The following NRG3 variants were observed in gnomAD, a reference collection of about 807,000 sequenced individuals.
NRG3 encodes the protein neuregulin 3, also known as pro-neuregulin-3, membrane-bound isoform.
A neutral mutation model predicts 66.9 loss-of-function variants in NRG3; 31 were observed. The observed-to-expected ratio is 0.46, with a 90% confidence interval of 0.35 to 0.63. NRG3 has a LOEUF of 0.63. Among genes scored for constraint, NRG3 ranks in the 20% least tolerant of loss-of-function variants. NRG3 has a pLI of 0.00. For synonymous variants in NRG3, 393 were observed against 359.4 expected, an observed-to-expected ratio of 1.09 and a Z score of -1.06; for missense variants, 910 against 878.9, an observed-to-expected ratio of 1.04 and a Z score of -0.45.
chr10:82,984,162 G>A (rs1853206565), intron 8 of NRG3, among the ~76,000 whole-genome samples: 1 of 152,188 alleles, frequency 6.6e-6, no homozygotes, highest in African/African-American at 2.4e-5. Context: ...AAACACTACT[G>A]TTCAAGTTCC....
At chr10:81,907,430 A>T (rs1304720470) in intron 1 of NRG3, among the ~76,000 whole-genome samples, 2 of 152,202 alleles carry the variant, frequency 1.3e-5, no homozygotes, top group South Asian at 4.1e-4. Context: ...GTGGATGATG[A>T]TGATGATGAT....
chr10:82,396,919 C>T (rs182204974), intron 2 of NRG3, among the ~76,000 whole-genome samples: 1 of 152,100 alleles, frequency 6.6e-6, no homozygotes, highest in Non-Finnish European at 1.5e-5. Context: ...TGCTATCAAC[C>T]CCTTAGAATC....
chr10:81,878,014 A>G (rs1354023311), intron 1 of NRG3: 2 of 1,537,770 alleles, frequency 1.3e-6, no homozygotes, highest in South Asian at 1.2e-5. Flanking sequence ...GAGGGGGACT[A>G]CACACGGTAG....
intron 1 of NRG3, among the ~76,000 whole-genome samples, chr10:82,188,391 G>T (rs2073936102): frequency 6.6e-6 from 1 of 152,084 alleles, no homozygotes; most frequent in Non-Finnish European, 1.5e-5. Context: ...CTAGGACATT[G>T]GTCTAGGCAA....
intron 1 of NRG3, among the ~76,000 whole-genome samples, chr10:82,243,141 A>G (rs573788829): frequency 1.3e-5 from 2 of 152,346 alleles, no homozygotes; most frequent in East Asian, 3.9e-4. Flanking sequence ...TACTGCATGT[A>G]AAAGAGACCC....
chr10:81,878,213 A>G (rs975118336), intron 1 of NRG3: 2 of 815,396 alleles, frequency 2.5e-6, no homozygotes, highest in African/African-American at 1.7e-5. Flanking sequence ...GAGGGGAAAA[A>G]TCTGTAAATG....
chr10:82,876,323 A>G (rs1048284641), intron 4 of NRG3, among the ~76,000 whole-genome samples: 1 of 152,206 alleles, frequency 6.6e-6, no homozygotes, highest in East Asian at 1.9e-4. Flanking sequence ...TAATATGGTG[A>G]AACATTAATT....
intron 3 of NRG3, among the ~76,000 whole-genome samples, chr10:82,812,506 C>G (rs2061531469): frequency 6.6e-6 from 1 of 152,098 alleles, no homozygotes; most frequent in African/African-American, 2.4e-5. Context: ...AAAAATAATA[C>G]TGCTTCTATT....
intron 1 of NRG3, among the ~76,000 whole-genome samples, chr10:82,169,309 G>T (rs2072367362): frequency 6.6e-6 from 1 of 151,826 alleles, no homozygotes; most frequent in African/African-American, 2.4e-5. Flanking sequence ...TTCAAGAGTG[G>T]CTATCTTTTA....
At chr10:82,102,035 G>T (rs1316327433) in intron 1 of NRG3, among the ~76,000 whole-genome samples, 1 of 130,502 alleles carries the variant, frequency 7.7e-6, no homozygotes, top group African/African-American at 2.7e-5. Context: ...ACATATATAT[G>T]CACATATAAA....
intron 2 of NRG3, among the ~76,000 whole-genome samples, chr10:82,696,363 T>C (rs1162993517): frequency 6.6e-6 from 1 of 152,122 alleles, no homozygotes; most frequent in Non-Finnish European, 1.5e-5. Context: ...ATATTTAAAA[T>C]GGGCATTCTG....
At chr10:82,290,800 A>G (rs1249502468) in intron 1 of NRG3, among the ~76,000 whole-genome samples, 1 of 141,794 alleles carries the variant, frequency 7.1e-6, no homozygotes, top group Non-Finnish European at 1.5e-5. Context: ...CGCCTGGCTA[A>G]TTTTTTTTTT....
chr10:81,875,252 A>C lies in NRG3; in HGVS notation c.-89A>C, dbSNP rs1841514411. The C allele has an allele frequency of 7.5e-6, 6 of 798,850 alleles. No homozygotes were observed. The highest frequency in any genetic ancestry group is 9.0e-6 in the Non-Finnish European group (6 of 664,998). The allele number at this position is 798,850 out of a possible 1,614,324, so 49.5% of individuals were successfully genotyped here. On this transcript the variant is annotated 5_prime_UTR_variant, in exon 1 of 9. Coordinates refer to ENST00000372141, the MANE Select transcript of NRG3 (RefSeq NM_001010848.4). This position sits in a 1 kb window ranked among gnomAD's most constrained non-coding sequence, Gnocchi z 5.3. ...CGCCCGAGCCCGCCGCCGCCGCCGG[A>C]GCCCGCGCCCGCGCCCGCGCCCGGC...
rs138215485 is a variant in NRG3 at position 82,980,292 on chromosome 10, G to A, written c.1583+1172G>A. ...GGGCAGATTTTTAAAAATTATGTGT[G>A]TAAAGAGTTTGTAGTAGACACACAG... On this transcript the variant is annotated intron_variant, in intron 8 of 8. Coordinates refer to ENST00000372141, the MANE Select transcript of NRG3 (RefSeq NM_001010848.4). Among the ~76,000 whole-genome samples the A allele has an allele frequency of 7.9e-3, 1,208 of 152,260 alleles. 21 individuals carry two copies. The highest frequency in any genetic ancestry group is 0.027 in the African/African-American group (1,141 of 41,556).
At chr10:82,532,552 T>C (rs1031462830) in intron 2 of NRG3, among the ~76,000 whole-genome samples, 1 of 147,890 alleles carries the variant, frequency 6.8e-6, no homozygotes, top group Non-Finnish European at 1.5e-5. Context: ...TATATGTATA[T>C]GTATATAGTA....
chr10:82,786,090 C>T (rs1477960228), intron 3 of NRG3, among the ~76,000 whole-genome samples: 1 of 152,098 alleles, frequency 6.6e-6, no homozygotes, highest in African/African-American at 2.4e-5. Flanking sequence ...TCCAGCAGAG[C>T]CATAGGAGTG....
intron 2 of NRG3, among the ~76,000 whole-genome samples, chr10:82,616,700 C>T (rs553266573): frequency 2.4e-4 from 36 of 152,218 alleles, no homozygotes; most frequent in Middle Eastern, 3.4e-3. Context: ...TATCATAATA[C>T]GTAATGTCTG....
chr10:82,645,067 G>A (rs1186894274), intron 2 of NRG3, among the ~76,000 whole-genome samples: 1 of 152,222 alleles, frequency 6.6e-6, no homozygotes, highest in East Asian at 1.9e-4. Context: ...AAGGTTGCCT[G>A]CCTTTTCCAT....
At chr10:82,378,056 G>A (rs549189502) in intron 2 of NRG3, among the ~76,000 whole-genome samples, 2 of 152,204 alleles carry the variant, frequency 1.3e-5, no homozygotes, top group African/African-American at 4.8e-5. Flanking sequence ...CTAAGGATAG[G>A]TGGAGGTTTT....
Sources: allele counts gnomAD v4.1 joint callset (sites outside exome capture counted in the v4.1 genomes callset), GRCh38; gene constraint gnomAD v4.1.1; non-coding constraint Gnocchi (gnomAD v3.1); transcripts MANE v1.5; gene names NCBI Gene and HGNC (gene_info 2026-07-23, HGNC 2026-07-21).